The following INSC variants were observed in gnomAD, a reference collection of about 807,000 sequenced individuals.
INSC encodes INSC spindle orientation adaptor protein, also known as protein inscuteable homolog.
In INSC, 67 loss-of-function variants were observed where a neutral mutation model predicts 58.6. That is an observed-to-expected ratio of 1.14 (90% CI 0.94 to 1.40). INSC has a LOEUF of 1.40. INSC is among the 40% of genes most tolerant of loss of function. The pLI is 0.00. For synonymous variants in INSC, 262 were observed against 276.1 expected (o/e 0.95, Z 0.51); for missense variants, 714 against 692.0 (o/e 1.03, Z -0.36).
chr11:15,224,367 A>G (rs34056003), intron 8 of INSC, among the ~76,000 whole-genome samples: 3,753 of 152,294 alleles, frequency 0.025, 72 homozygotes, highest in Non-Finnish European at 0.041. Context: ...GGGTTTTACT[A>G]CTAAAACTAA....
intron 8 of INSC, among the ~76,000 whole-genome samples, chr11:15,225,083 T>G (rs1371680623): frequency 6.6e-6 from 1 of 152,224 alleles, no homozygotes; most frequent in Non-Finnish European, 1.5e-5. Context: ...TCACAGGCTT[T>G]GTATCTCCTT....
At chr11:15,237,026 CT>C (rs1303208091) in intron 10 of INSC, among the ~76,000 whole-genome samples, 1 of 152,118 alleles carries the variant, frequency 6.6e-6, no homozygotes, top group Non-Finnish European at 1.5e-5. Flanking sequence ...CTCCATAGGC[CT>C]GTGAATTTGA....
intron 5 of INSC, among the ~76,000 whole-genome samples, chr11:15,180,251 C>G (rs1224628080): frequency 3.3e-5 from 5 of 151,804 alleles, no homozygotes; most frequent in Non-Finnish European, 5.9e-5. Flanking sequence ...GAGTGAGACT[C>G]CGTCTCAAAA....
intron 1 of INSC, among the ~76,000 whole-genome samples, chr11:15,146,382 C>A (rs752161421): frequency 6.6e-6 from 1 of 152,162 alleles, no homozygotes; most frequent in Non-Finnish European, 1.5e-5. Flanking sequence ...CCTTTTGGGG[C>A]AAAGAGGCAG....
intron 8 of INSC, among the ~76,000 whole-genome samples, chr11:15,221,990 T>A (rs2133933417): frequency 6.6e-6 from 1 of 152,302 alleles, no homozygotes; most frequent in East Asian, 1.9e-4. Context: ...ATCGAGAGAC[T>A]CTGATAGGCA....
At chr11:15,225,234 G>A (rs188909798) in intron 8 of INSC, among the ~76,000 whole-genome samples, 4 of 152,278 alleles carry the variant, frequency 2.6e-5, no homozygotes, top group East Asian at 1.9e-4. Flanking sequence ...TATTCTCTTA[G>A]CACTTGTTTA....
At chr11:15,226,817 G>GCTTAT (rs1564914999) in intron 9 of INSC, among the ~76,000 whole-genome samples, 1 of 152,180 alleles carries the variant, frequency 6.6e-6, no homozygotes, top group Non-Finnish European at 1.5e-5. Flanking sequence ...ATCTAATGAG[G>GCTTAT]TTATTCCTCT....
At chr11:15,166,665 T>C (rs1449154397) in intron 2 of INSC, among the ~76,000 whole-genome samples, 1 of 152,232 alleles carries the variant, frequency 6.6e-6, no homozygotes, top group Non-Finnish European at 1.5e-5. Flanking sequence ...CAAGGCATAC[T>C]ATGCATGTCT....
chr11:15,151,726 C>A (rs1848657978), intron 2 of INSC, among the ~76,000 whole-genome samples: 1 of 152,158 alleles, frequency 6.6e-6, no homozygotes, highest in African/African-American at 2.4e-5. Context: ...CACAGCCTGG[C>A]CTTCATATTC....
chr11:15,210,094 G>A (rs1162206949), intron 7 of INSC, among the ~76,000 whole-genome samples: 1 of 152,190 alleles, frequency 6.6e-6, no homozygotes, highest in African/African-American at 2.4e-5. Flanking sequence ...GTCAGCCTGA[G>A]ATAAGTCAGA....
intron 2 of INSC, among the ~76,000 whole-genome samples, chr11:15,156,657 T>G (rs1262974187): frequency 1.3e-5 from 2 of 152,226 alleles, no homozygotes; most frequent in East Asian, 1.9e-4. Context: ...AGACAAGTTA[T>G]GTAATGCCGC....
At chr11:15,224,924 G>A (rs1851575446) in intron 8 of INSC, among the ~76,000 whole-genome samples, 1 of 152,272 alleles carries the variant, frequency 6.6e-6, no homozygotes, top group East Asian at 1.9e-4. Context: ...CTTATCCTGG[G>A]ACCAAAAGGA....
intron 6 of INSC, among the ~76,000 whole-genome samples, chr11:15,200,496 C>G (rs959400312): frequency 1.3e-4 from 20 of 151,966 alleles, no homozygotes; most frequent in Non-Finnish European, 2.4e-4. Context: ...AGGGAGTTGC[C>G]AGATGTTTGG....
At chr11:15,137,872 C>T (rs56735445) in intron 1 of INSC, among the ~76,000 whole-genome samples, 120 of 152,280 alleles carry the variant, frequency 7.9e-4, no homozygotes, top group African/African-American at 2.7e-3. Context: ...CTTGCCTAAC[C>T]GTTTGGCACA....
chr11:15,135,416 C>T (rs531586244), intron 1 of INSC, among the ~76,000 whole-genome samples: 43 of 152,326 alleles, frequency 2.8e-4, no homozygotes, highest in African/African-American at 9.9e-4. Context: ...GATTCTTTAA[C>T]TGAAGATGTT....
chr11:15,213,552 ATC>A (rs200993253), intron 7 of INSC, among the ~76,000 whole-genome samples: 1,773 of 152,334 alleles, frequency 0.012, 16 homozygotes, highest in Non-Finnish European at 0.019. Flanking sequence ...CCTTCAGAGC[ATC>A]TGTTTGAAAA....
intron 1 of INSC, among the ~76,000 whole-genome samples, chr11:15,127,947 A>T (rs1021438468): frequency 7.9e-5 from 12 of 152,030 alleles, no homozygotes; most frequent in African/African-American, 2.9e-4. Context: ...GTGAGCCGAG[A>T]TCGTGCCGTT....
intron 12 of INSC, among the ~76,000 whole-genome samples, chr11:15,243,373 T>C (rs749113683): frequency 1.1e-4 from 16 of 152,194 alleles, no homozygotes; most frequent in Non-Finnish European, 1.8e-4. Flanking sequence ...GTGCAGATCA[T>C]CTCTCCCAAA....
At chr11:15,159,052 G>A (rs1848922616) in intron 2 of INSC, among the ~76,000 whole-genome samples, 1 of 152,126 alleles carries the variant, frequency 6.6e-6, no homozygotes, top group Non-Finnish European at 1.5e-5. Context: ...CTTGAGACAG[G>A]CAACTTCTCC....
Sources: gnomAD v4.1 joint callset for allele counts (sites outside exome capture counted in the v4.1 genomes callset) on GRCh38, gnomAD v4.1.1 for gene constraint, MANE v1.5 for transcripts, NCBI Gene and HGNC (gene_info 2026-07-23, HGNC 2026-07-21) for gene names.